The following FGF8 variants were observed in gnomAD, a reference collection of about 807,000 sequenced individuals.
The protein encoded by FGF8 is fibroblast growth factor 8, also known as androgen-induced growth factor.
FGF8 carries 12 observed loss-of-function variants against 29.7 expected under a neutral mutation model. The observed-to-expected ratio is 0.40, with a 90% CI of 0.26 to 0.65. FGF8 has a LOEUF of 0.65. Among genes scored for constraint, FGF8 ranks in the 30% least tolerant of loss-of-function variants. FGF8 has a pLI of 0.37. For missense variants in FGF8, 271 were observed against 345.1 expected, an observed-to-expected ratio of 0.79 and a Z score of 1.70; for synonymous variants, 157 against 144.4, an observed-to-expected ratio of 1.09 and a Z score of -0.63.
chr10:101,779,593 C>A (rs2065126973), upstream of FGF8, among the ~76,000 whole-genome samples: 1 of 149,586 alleles, frequency 6.7e-6, no homozygotes, highest in South Asian at 2.1e-4. The surrounding 1 kb of genome is among the most constrained non-coding windows in gnomAD (Gnocchi z 5.7). Flanking sequence ...GCGTGCTCGG[C>A]GCAGGCCCGC....
At chr10:101,777,350 CCCAGTGACCCT>C (rs2065107532), upstream of FGF8, among the ~76,000 whole-genome samples, 1 of 152,182 alleles carries the variant, frequency 6.6e-6, no homozygotes, top group Non-Finnish European at 1.5e-5. Flanking sequence ...CCTCCCCTTC[CCCAGTGACCCT>C]CCATTCCCCT....
At chr10:101,773,486 C>T (rs1316179597) in intron 4 of FGF8, among the ~76,000 whole-genome samples, 4 of 149,722 alleles carry the variant, frequency 2.7e-5, no homozygotes, top group African/African-American at 7.4e-5. Context: ...TCTCCCATGT[C>T]GGTTGAATCT....
In FGF8 at chr10:101,771,302, C is replaced by T. The variant is rs890891207; in HGVS notation, c.444+161G>A. Among the ~76,000 whole-genome samples, 3 of 152,184 alleles carry T rather than the reference C, an allele frequency of 2.0e-5. No individual in the cohort carries two copies. Among genetic ancestry groups the T allele is most frequent in the African/African-American group, 7.2e-5 (3 of 41,448 alleles). ...TTTTCATCTCTCAAACAGCTTCCTT[C>T]TCCCTCACTCCTGCACCCAATCGTG... On this transcript the variant is annotated intron_variant, in intron 5 of 5. Coordinates refer to ENST00000320185, the MANE Select transcript of FGF8 (RefSeq NM_033163.5). This position sits in a 1 kb window ranked among gnomAD's most constrained non-coding sequence, Gnocchi z 5.3.
At position 101,775,888 on chromosome 10, in the gene FGF8, G is replaced by T; in HGVS notation, c.13C>A (p.Arg5Ser). Residue 5 changes from arginine (R) to serine (S), a missense_variant, in exon 1 of 6, where the codon CGC becomes AGC. Physicochemically the swap from Arg to Ser is moderately radical, Grantham distance 110 (BLOSUM62 -1). Coordinates refer to ENST00000320185, the MANE Select transcript of FGF8 (RefSeq NM_033163.5). This position sits in a 1 kb window ranked among gnomAD's most constrained non-coding sequence, Gnocchi z 4.6. MGSP[R>S]SALSCLLLHL... is the part of the protein sequence containing the mutation. ...ACTCACAGGCAGCTCAGCGCGGAGC[G>T]GGGGCTGCCCATGGCGCGCGGCCCC... 1 of 1,357,166 alleles carries T rather than the reference G, an allele frequency of 7.4e-7. No individual in the cohort carries two copies. The highest frequency in any genetic ancestry group is 9.4e-7 in the Non-Finnish European group (1 of 1,060,666). The allele number at this position is 1,357,166 out of a possible 1,614,324, so 84.1% of individuals were successfully genotyped here.
In FGF8 at chr10:101,775,345, G is replaced by T; in HGVS notation, c.70-129C>A. The T allele has an allele frequency of 1.4e-6, 1 of 701,380 alleles. No individual in the cohort carries two copies. Among genetic ancestry groups the T allele is most frequent in the Non-Finnish European group, 2.5e-6 (1 of 400,326 alleles). The allele number at this position is 701,380 out of a possible 1,614,324, so 43.4% of individuals were successfully genotyped here. On this transcript the variant is annotated intron_variant, in intron 2 of 5. Transcript: ENST00000320185. This position sits in a 1 kb window ranked among gnomAD's most constrained non-coding sequence, Gnocchi z 4.6. ...GGCACCCGATCATTGGGCCAAATCG[G>T]CCACAAGCCTCCCCCGAGGGGCGCT...
At position 101,772,573 on chromosome 10, in the gene FGF8, A is replaced by G. The variant is rs1286788531; in HGVS notation, c.338-1004T>C. ...GTGAGGGTGACTTCACTGTTTAGGAAGGGACAGAAGGCGCTGGCTCTCCTG... is the reference window on the plus strand; with the variant it reads ...GTGAGGGTGACTTCACTGTTTAGGAGGGGACAGAAGGCGCTGGCTCTCCTG... On this transcript the variant is annotated intron_variant, in intron 4 of 5. Transcript: ENST00000320185. The surrounding 1 kb of genome is among the most constrained non-coding windows in gnomAD (Gnocchi z 4.4). 6.6e-6 allele frequency among the ~76,000 whole-genome samples: 1 copy of G among 152,190 alleles called. No individual in the cohort carries two copies. The highest frequency in any genetic ancestry group is 6.5e-5 in the Admixed American group (1 of 15,284).
In FGF8 at chr10:101,770,163, AACAGC is replaced by A; in HGVS notation, c.*161_*165del. ...TTTTAAAAAAAAAAAAAAAAAAAAA[AACAGC>A]AAAAACCCAACAGCAAACAATATCA... is the stretch of plus-strand genomic sequence containing the variant. On this transcript the variant is annotated 3_prime_UTR_variant, in exon 6 of 6. Transcript: ENST00000320185. 1.8e-6 allele frequency: 1 copy of A among 569,342 alleles called. No homozygotes were observed. The highest frequency in any genetic ancestry group is 2.9e-6 in the Non-Finnish European group (1 of 340,396). 35.3% of individuals were successfully genotyped at this position (569,342 alleles called of 1,614,324 possible). A position where few individuals can be genotyped will look rare whatever the true frequency, so the allele number is the denominator to read the frequency against.
Position 101,775,148 on chromosome 10 carries a change from G to A in FGF8, c.138C>T (p.Pro46=), listed in dbSNP as rs2065072269. ...LASLFRAGRE[P]QGVSQQVTVQ... is the part of the protein sequence containing the mutation. ...GACCCACCTGTTGGGAGACACCCTG[G>A]GGCTCCCGGCCAGCCCGGAACAGGG... is the stretch of plus-strand genomic sequence containing the variant. Residue 46 remains proline (P), a synonymous_variant, in exon 3 of 6, where the codon CCC becomes CCT. Transcript: ENST00000320185. The surrounding 1 kb of genome is among the most constrained non-coding windows in gnomAD (Gnocchi z 4.6). The A allele has an allele frequency of 6.5e-7, 1 of 1,548,492 alleles. No individual in the cohort carries two copies. The highest frequency in any genetic ancestry group is 8.7e-7 in the Non-Finnish European group (1 of 1,147,086).
upstream of FGF8, chr10:101,776,174 AGGGCGGGGAGGGGTGG>A (rs1457285144): frequency 3.5e-5 from 2 of 57,888 alleles, no homozygotes; most frequent in African/African-American, 6.7e-5. Context: ...GGGAGGTGGG[AGGGCGGGGAGGGGTGG>A]GGGCGGGGGG....
chr10:101,770,145 A>T lies in FGF8; in HGVS notation c.*184T>A. 2 of 451,978 alleles carry T rather than the reference A, an allele frequency of 4.4e-6. No homozygotes were observed. Among genetic ancestry groups the T allele is most frequent in the Non-Finnish European group, 7.8e-6 (2 of 254,942 alleles). 28.0% of individuals were successfully genotyped at this position (451,978 alleles called of 1,614,324 possible). On this transcript the variant is annotated 3_prime_UTR_variant, in exon 6 of 6. Transcript: ENST00000320185. ...AATAGAGCCTCTCTTTTGTTTTAAA[A>T]AAAAAAAAAAAAAAAAAAACAGCAA...
rs988706634 is a variant in FGF8 at position 101,772,043 on chromosome 10, G to T, written c.338-474C>A. On this transcript the variant is annotated intron_variant, in intron 4 of 5. Transcript: ENST00000320185. The surrounding 1 kb of genome is among the most constrained non-coding windows in gnomAD (Gnocchi z 4.4). ...GTGAAGGGGTGACCTCCAGTCCCAA[G>T]GCCAAAGATGAAAGCATTGTCTCCT... Among the ~76,000 whole-genome samples the T allele has an allele frequency of 2.6e-5, 4 of 152,244 alleles. No homozygotes were observed. Among genetic ancestry groups the T allele is most frequent in the African/African-American group, 9.6e-5 (4 of 41,458 alleles).
At chr10:101,776,809 C>T (rs1266954859), upstream of FGF8, among the ~76,000 whole-genome samples, 1 of 151,720 alleles carries the variant, frequency 6.6e-6, no homozygotes, top group African/African-American at 2.4e-5. Context: ...GCCTCCCCCT[C>T]CCCCCATCCC....
At position 101,775,758 on chromosome 10, in the gene FGF8, G is replaced by C; in HGVS notation, c.51C>G (p.Val17=). The C allele has an allele frequency of 6.5e-7, 1 of 1,545,896 alleles. No individual in the cohort carries two copies. The highest frequency in any genetic ancestry group is 2.4e-5 in the East Asian group (1 of 40,858). The change falls in exon 2 of 6, where the codon GTC becomes GTG. Residue 17 remains valine (V), a synonymous_variant. Transcript: ENST00000320185. The surrounding 1 kb of genome is among the most constrained non-coding windows in gnomAD (Gnocchi z 4.6). ...TCCTCACCTGGGCTTGGAGGCAGAG[G>C]ACCAGCAAGTGCAACAGCCTGTGGG... ...ALSCLLLHLL[V]LCLQAQEGPG...
At chr10:101,778,886 T>G (rs964221298), upstream of FGF8, among the ~76,000 whole-genome samples, 3 of 152,182 alleles carry the variant, frequency 2.0e-5, no homozygotes, top group African/African-American at 7.2e-5. Context: ...TGCTATTTTG[T>G]TTCCTCGAAT....
chr10:101,775,451 C>A lies in FGF8; in HGVS notation c.70-235G>T. 2 of 603,138 alleles carry A rather than the reference C, an allele frequency of 3.3e-6. No homozygotes were observed. Among genetic ancestry groups the A allele is most frequent in the South Asian group, 2.0e-5 (1 of 50,538 alleles). 37.4% of individuals were successfully genotyped at this position (603,138 alleles called of 1,614,324 possible). On this transcript the variant is annotated intron_variant, in intron 2 of 5. Transcript: ENST00000320185. This position sits in a 1 kb window ranked among gnomAD's most constrained non-coding sequence, Gnocchi z 4.6. ...TGGCCGCGGCTGCCCCCTTCCTCGGCGGCTGGGTGTTCCCTATGCCCCCAG... is the reference window on the plus strand; with the variant it reads ...TGGCCGCGGCTGCCCCCTTCCTCGGAGGCTGGGTGTTCCCTATGCCCCCAG...
rs1389509359 is a variant in FGF8 at position 101,771,415 on chromosome 10, A to G, written c.444+48T>C. 1 of 1,443,274 alleles carries G rather than the reference A, an allele frequency of 6.9e-7. No homozygotes were observed. Among genetic ancestry groups the G allele is most frequent in the Non-Finnish European group, 9.8e-7 (1 of 1,025,016 alleles). 89.4% of individuals were successfully genotyped at this position (1,443,274 alleles called of 1,614,324 possible). ...GTCTTGGAGGAGTCCAGCCAGCCCA[A>G]GCCACTCCCTAGGTCCCGCGGACCC... On this transcript the variant is annotated intron_variant, in intron 5 of 5. Transcript: ENST00000320185. The surrounding 1 kb of genome is among the most constrained non-coding windows in gnomAD (Gnocchi z 5.3).
At position 101,771,612 on chromosome 10, in the gene FGF8, C is replaced by T; in HGVS notation, c.338-43G>A. On this transcript the variant is annotated intron_variant, in intron 4 of 5. Coordinates refer to ENST00000320185, the MANE Select transcript of FGF8 (RefSeq NM_033163.5). The surrounding 1 kb of genome is among the most constrained non-coding windows in gnomAD (Gnocchi z 5.3). ...AGGATGGCTATTGGCAGATCCCTGA[C>T]CCCAGCTGGCCCACACACTTGTCAC... The T allele has an allele frequency of 6.7e-7, 1 of 1,492,044 alleles. No individual in the cohort carries two copies. The highest frequency in any genetic ancestry group is 9.3e-7 in the Non-Finnish European group (1 of 1,070,442). The allele number at this position is 1,492,044 out of a possible 1,614,324, so 92.4% of individuals were successfully genotyped here.
chr10:101,773,518 G>C (rs1356833859), intron 4 of FGF8, among the ~76,000 whole-genome samples: 1 of 151,776 alleles, frequency 6.6e-6, no homozygotes. Flanking sequence ...GGGAGCTGGG[G>C]CCGCAGTTTA....
At position 101,771,188 on chromosome 10, in the gene FGF8, C is replaced by A. The variant is rs185179366; in HGVS notation, c.444+275G>T. ...TGGACATAATAGCAAAGCAATTTGG[C>A]GATTTGTTAAAAAGATATATGGAAT... On this transcript the variant is annotated intron_variant, in intron 5 of 5. Coordinates refer to ENST00000320185, the MANE Select transcript of FGF8 (RefSeq NM_033163.5). This position sits in a 1 kb window ranked among gnomAD's most constrained non-coding sequence, Gnocchi z 5.3. Among the ~76,000 whole-genome samples the A allele has an allele frequency of 6.6e-6, 1 of 152,196 alleles. No homozygotes were observed.
Sources: allele counts gnomAD v4.1 joint callset (sites outside exome capture counted in the v4.1 genomes callset), GRCh38; gene constraint gnomAD v4.1.1; non-coding constraint Gnocchi (gnomAD v3.1); transcripts MANE v1.5; gene names NCBI Gene and HGNC (gene_info 2026-07-23, HGNC 2026-07-21).